Variants in SHF observed in about 807,000 individuals in gnomAD.
The protein encoded by SHF is SH2 domain-containing adapter protein F.
Under a neutral mutation model 42.4 loss-of-function variants are expected in SHF, and 30 were observed. The observed-to-expected ratio is 0.71, with a 90% confidence interval of 0.53 to 0.96. The LOEUF (loss-of-function observed/expected upper bound fraction) is 0.96, where lower values mean the gene tolerates loss of function less well. Among genes scored for constraint, SHF ranks in the 40% least tolerant of loss-of-function variants. The probability of loss-of-function intolerance (pLI) is 0.00; values close to 1 mark genes in which losing one functional copy is unlikely to be tolerated. For synonymous variants in SHF, 264 were observed against 269.9 expected (o/e 0.98, Z 0.21); for missense variants, 598 against 634.0 (o/e 0.94, Z 0.61).
chr15:45,175,692 G>C (rs1897762498), intron 2 of SHF, among the ~76,000 whole-genome samples: 1 of 152,204 alleles, frequency 6.6e-6, no homozygotes, highest in South Asian at 2.1e-4. Context: ...CGAGGGCTGG[G>C]TAGCTAAAAT....
chr15:45,175,179 C>T (rs1349951912), intron 3 of SHF, 40 bp downstream of exon 3: 1 of 1,562,474 alleles, frequency 6.4e-7, no homozygotes, highest in Non-Finnish European at 8.6e-7. Context: ...GAAAGCTGCT[C>T]AGAGGCCCCA....
At chr15:45,181,297 C>T (rs1898111818) in intron 1 of SHF, 1 of 152,394 alleles carries the variant, frequency 6.6e-6, no homozygotes, top group African/African-American at 2.4e-5. Context: ...CTGGGATGCC[C>T]AAAGGAGCCG....
Position 45,167,761 on chromosome 15 carries a change from C to A in SHF, c.*186G>T. 2.1e-6 allele frequency: 1 copy of A among 468,740 alleles called. No homozygotes were observed. The highest frequency in any genetic ancestry group is 3.6e-6 in the Non-Finnish European group (1 of 280,946). 29.0% of individuals were successfully genotyped at this position (468,740 alleles called of 1,614,324 possible). ...GGATTCCTCTTTCCCCAGCTCCAGA[C>A]AACCCCTTACTCCAAGGCCCCAGGA... On this transcript the variant is annotated 3_prime_UTR_variant, in exon 7 of 7. Transcript: ENST00000690270.
chr15:45,179,148 T>C (rs2064880079), intron 1 of SHF, among the ~76,000 whole-genome samples: 1 of 152,270 alleles, frequency 6.6e-6, no homozygotes, highest in South Asian at 2.1e-4. Flanking sequence ...GAGTAGTCAC[T>C]TTTTCAGTTC....
chr15:45,194,415 G>T lies in SHF; in HGVS notation c.303+4357C>A, dbSNP rs553403277. On this transcript the variant is annotated intron_variant, in intron 2 of 7. Coordinates refer to the SHF transcript ENST00000290894. ...CGCCCAGGCTGGAGTGCAGTGGCGC[G>T]ATCTTGGCTCACTGCAACCTACACC... 4.0e-5 allele frequency among the ~76,000 whole-genome samples: 6 copies of T among 151,870 alleles called. No individual in the cohort carries two copies. In the South Asian group the frequency reaches 1.2e-3, roughly 32 times the overall value.
rs1222214227 is a variant in SHF at position 45,168,081 on chromosome 15, A to G, written c.1333T>C (p.Tyr445His). The change falls in exon 7 of 7, where the codon TAT (tyrosine) becomes CAT (histidine). Residue 445 changes from tyrosine (Y) to histidine (H), a missense_variant. This residue lies in a region of SHF where 439 missense variants were observed against 524.6 expected (regional missense o/e 0.84). Coordinates refer to ENST00000690270, the MANE Select transcript of SHF (RefSeq NM_001394037.1). ...MKLSRTKEHK[Y>H]VLGQNSPPFS... ...GGCGGGCTGTTCTGGCCCAGCACAT[A>G]TTTGTGTTCCTTGGTTCGGGACAGC... The G allele has an allele frequency of 1.9e-6, 3 of 1,611,964 alleles. No individual in the cohort carries two copies. The Admixed American group carries it at 5.0e-5, about 27-fold the overall frequency.
intron 1 of SHF, among the ~76,000 whole-genome samples, chr15:45,186,130 A>C (rs1179990978): frequency 6.6e-6 from 1 of 152,234 alleles, no homozygotes; most frequent in Non-Finnish European, 1.5e-5. Flanking sequence ...CCATCACATC[A>C]CACAATAGCA....
rs188443329 is a variant in SHF, at chr15:45,184,665, T to C, written c.498+2789A>G. On this transcript the variant is annotated intron_variant, in intron 1 of 6. Transcript: ENST00000690270. The stretch of plus-strand genomic sequence containing the variant: ...AATCAGAGCCCTGTTCCCATATCCA[T>C]CCCCTTCCCTAATTACACCAGGTTT... 4.2e-4 allele frequency among the ~76,000 whole-genome samples: 64 copies of C among 152,316 alleles called. 1 individual carries two copies. The East Asian group carries it at 0.011, about 27-fold the overall frequency.
chr15:45,174,468 G>C (rs1347982699), intron 3 of SHF: 2 of 152,978 alleles, frequency 1.3e-5, no homozygotes, highest in Admixed American at 6.5e-5. Context: ...GAGGGCAGAG[G>C]AGGGCTGGGT....
At chr15:45,193,407 C>T (rs1307472572) in intron 2 of SHF, among the ~76,000 whole-genome samples, 1 of 152,088 alleles carries the variant, frequency 6.6e-6, no homozygotes, top group Non-Finnish European at 1.5e-5. Context: ...AGATGAGAGA[C>T]AAATGGTTGT....
Position 45,178,295 on chromosome 15 carries a change from T to TA in SHF, c.509dup (p.Glu171ArgfsTer8). 1 of 1,612,880 alleles carries TA rather than the reference T, an allele frequency of 6.2e-7. No individual in the cohort carries two copies. Among genetic ancestry groups the TA allele is most frequent in the Non-Finnish European group, 8.5e-7 (1 of 1,179,468 alleles). On this transcript the variant is annotated frameshift_variant, in exon 2 of 7. Coordinates refer to ENST00000690270, the MANE Select transcript of SHF (RefSeq NM_001394037.1). LOFTEE classifies it high-confidence loss of function. The stretch of plus-strand genomic sequence containing the variant: ...CATCAAACGGGTCCGCATAGTCTTC[T>TA]AGGATAGCTAGCTGTGGGAGGAGAG...
At chr15:45,199,083 G>T in exon 2 of SHF, 2 of 1,565,256 alleles carry the variant, frequency 1.3e-6, no homozygotes, top group Non-Finnish European at 1.7e-6. Context: ...ATCCTCCAGC[G>T]GTGACCCAAT....
At chr15:45,198,106 A>G (rs1444852501) in intron 2 of SHF, among the ~76,000 whole-genome samples, 2 of 151,896 alleles carry the variant, frequency 1.3e-5, no homozygotes, top group African/African-American at 4.8e-5. Context: ...TTAAAATTAA[A>G]AAAACAAACA....
At position 45,172,142 on chromosome 15, in the gene SHF, C is replaced by T. The variant is rs753592225; in HGVS notation, c.1160+5G>A. On this transcript the variant is annotated splice_donor_5th_base_variant and intron_variant, in intron 5 of 6. Transcript: ENST00000690270. ...GGGAGTCCCCAGCTGGACACAGACA[C>T]TCACACCTGGTTTTCCAGAGGCAGT... 2 of 1,613,902 alleles carry T rather than the reference C, an allele frequency of 1.2e-6. No individual in the cohort carries two copies. Among genetic ancestry groups the T allele is most frequent in the East Asian group, 2.2e-5 (1 of 44,878 alleles).
At chr15:45,183,839 A>G (rs965974841) in intron 1 of SHF, among the ~76,000 whole-genome samples, 3 of 152,204 alleles carry the variant, frequency 2.0e-5, no homozygotes, top group South Asian at 2.1e-4. Flanking sequence ...CTGCCATCCA[A>G]TCCCCCAGTA....
At chr15:45,188,399 G>A (rs986549589), upstream of SHF, among the ~76,000 whole-genome samples, 3 of 152,138 alleles carry the variant, frequency 2.0e-5, no homozygotes, top group African/African-American at 7.2e-5. Context: ...AATCTAGGAG[G>A]AAAATCTAGG....
intron 2 of SHF, among the ~76,000 whole-genome samples, chr15:45,193,677 C>A (rs1898778012): frequency 1.3e-5 from 2 of 152,240 alleles, no homozygotes; most frequent in Non-Finnish European, 1.5e-5. Flanking sequence ...TTTTTAAAAT[C>A]TTTGTAGCTA....
At position 45,167,983 on chromosome 15, in the gene SHF, C is replaced by T. The variant is rs1221344861; in HGVS notation, c.1431G>A (p.Met477Ile). 6.2e-7 allele frequency: 1 copy of T among 1,612,738 alleles called. No individual in the cohort carries two copies. Among genetic ancestry groups the T allele is most frequent in the Admixed American group, 1.7e-5 (1 of 59,936 alleles). Reference sequence around the variant, plus strand: ...GGATGGCCACAGGGTAGAGCAGGGACATGTGTTCGGCTCCCTTAATGGGTA... The same window carrying T: ...GGATGGCCACAGGGTAGAGCAGGGATATGTGTTCGGCTCCCTTAATGGGTA... ...RKLPIKGAEHMSLLYPVAIRT... is the reference protein window; with the variant it reads ...RKLPIKGAEHISLLYPVAIRT... The change falls in exon 7 of 7, where the codon ATG becomes ATA. Residue 477 changes from methionine to isoleucine, a missense_variant. Met to Ile is a conservative substitution (Grantham distance 10). Coordinates refer to ENST00000690270, the MANE Select transcript of SHF (RefSeq NM_001394037.1).
At chr15:45,186,858 G>C (rs1898436427) in intron 1 of SHF, among the ~76,000 whole-genome samples, 2 of 152,268 alleles carry the variant, frequency 1.3e-5, no homozygotes. Flanking sequence ...CGCCTCCTGA[G>C]AACAACAGCC....
Sources: gnomAD v4.1 joint callset for allele counts (sites outside exome capture counted in the v4.1 genomes callset) on GRCh38, gnomAD v4.1.1 for gene constraint, gnomAD v4.1.1 regional missense constraint, MANE v1.5 for transcripts, NCBI Gene and HGNC (gene_info 2026-07-23, HGNC 2026-07-21) for gene names.